The following SLC28A3 variants were observed in gnomAD, a reference collection of about 807,000 sequenced individuals.
SLC28A3 encodes concentrative Na(+)-nucleoside cotransporter 3.
A neutral mutation model predicts 84.2 loss-of-function variants in SLC28A3; 68 were observed. The ratio of observed to expected loss-of-function variants is 0.81; its 90% CI spans 0.66 to 0.99. SLC28A3 has a LOEUF of 0.99. Among genes scored for constraint, SLC28A3 ranks in the 50% least tolerant of loss-of-function variants. The pLI, the probability that SLC28A3 is intolerant of heterozygous loss-of-function variation, is 0.00. For missense variants in SLC28A3, 712 were observed against 841.5 expected (o/e 0.85, Z 1.90); for synonymous variants, 267 against 303.6 (o/e 0.88, Z 1.25).
At position 84,278,227 on chromosome 9, in the gene SLC28A3, A is replaced by G. The variant is rs775909281; in HGVS notation, c.2067T>C (p.Asn689=). 1.9e-6 allele frequency: 3 copies of G among 1,614,002 alleles called. No homozygotes were observed. The South Asian group carries it at 3.3e-5, about 18-fold the overall frequency. ...PSTFNCNGIS[N]TF ...GGAGAAGTGGCTGACCTCAAAATGT[A>G]TTAGAGATCCCATTGCAGTTAAAGG... The change falls in exon 18 of 18, where the codon AAT becomes AAC. Residue 689 remains asparagine (N), a synonymous_variant. Coordinates refer to ENST00000376238, the MANE Select transcript of SLC28A3 (RefSeq NM_001199633.2).
At chr9:84,330,126 C>A (rs1826721080) in intron 1 of SLC28A3, among the ~76,000 whole-genome samples, 4 of 150,696 alleles carry the variant, frequency 2.7e-5, no homozygotes, top group Admixed American at 2.6e-4. Context: ...AAGAGAGAAT[C>A]AATGAAACCA....
chr9:84,359,561 TTTGTGGG>T, the SLC28A3 span, among the ~76,000 whole-genome samples: 2 of 152,166 alleles, frequency 1.3e-5, no homozygotes, highest in African/African-American at 4.8e-5. Flanking sequence ...TACTATCCCA[TTTGTGGG>T]CATATTAGGG....
In SLC28A3 at chr9:84,297,201, GA is replaced by G. The variant is rs761704347; in HGVS notation, c.861+19del. The G allele has an allele frequency of 1.2e-4, 190 of 1,599,590 alleles. No individual in the cohort carries two copies. Among genetic ancestry groups the G allele is most frequent in the Non-Finnish European group, 1.6e-4 (186 of 1,173,638 alleles). On this transcript the variant is annotated intron_variant, in intron 8 of 17. Transcript: ENST00000376238. ...CCGCTGAAATAGCAGCGACTACATA[GA>G]AAAAAGGTTTGACTTTACCTTAAAT...
chr9:84,296,735 G>A (rs572066491), intron 8 of SLC28A3, among the ~76,000 whole-genome samples: 7 of 151,526 alleles, frequency 4.6e-5, no homozygotes, highest in Non-Finnish European at 8.8e-5. Flanking sequence ...GATGAGAAAC[G>A]TTTAGCACGG....
Position 84,299,742 on chromosome 9 carries a change from G to A in SLC28A3, c.525-17C>T, listed in dbSNP as rs886488822. ...CAGATCACCCTAAGAGAAGGGGAAA[G>A]GAGGCATTGGCATCATTTGTTGTGC... On this transcript the variant is annotated splice_polypyrimidine_tract_variant and intron_variant, in intron 5 of 17. Coordinates refer to ENST00000376238, the MANE Select transcript of SLC28A3 (RefSeq NM_001199633.2). 6.4e-7 allele frequency: 1 copy of A among 1,563,080 alleles called. No individual in the cohort carries two copies. Among genetic ancestry groups the A allele is most frequent in the African/African-American group, 1.4e-5 (1 of 72,082 alleles).
At chr9:84,297,335 C>A in intron 7 of SLC28A3, 37 bp from the exon 8 acceptor site, 1 of 1,536,690 alleles carries the variant, frequency 6.5e-7, no homozygotes, top group Non-Finnish European at 8.9e-7. Flanking sequence ...TCATTCCAAC[C>A]ACATGACTGG....
intron 15 of SLC28A3, among the ~76,000 whole-genome samples, chr9:84,280,325 ACCT>A (rs892694389): frequency 6.6e-6 from 1 of 151,582 alleles, no homozygotes; most frequent in East Asian, 1.9e-4. Context: ...CAGAAGAAAA[ACCT>A]CCTAAGTTTC....
At chr9:84,355,128 G>C in the SLC28A3 span, among the ~76,000 whole-genome samples, 1 of 152,120 alleles carries the variant, frequency 6.6e-6, no homozygotes, top group Non-Finnish European at 1.5e-5. Flanking sequence ...GCTGGACGTC[G>C]TATGGAGCCA....
intron 1 of SLC28A3, among the ~76,000 whole-genome samples, chr9:84,335,118 G>A (rs192343208): frequency 9.2e-5 from 14 of 152,238 alleles, no homozygotes; most frequent in South Asian, 2.1e-4. Context: ...CCAGGTGAAC[G>A]TATGCTACAA....
At chr9:84,338,332 G>T (rs1588629532) in intron 1 of SLC28A3, among the ~76,000 whole-genome samples, 1 of 152,338 alleles carries the variant, frequency 6.6e-6, no homozygotes, top group East Asian at 1.9e-4. Flanking sequence ...TTTCCTTAAA[G>T]AAGATAATGT....
intron 11 of SLC28A3, among the ~76,000 whole-genome samples, chr9:84,288,542 T>C (rs548880754): frequency 1.3e-5 from 2 of 150,648 alleles, no homozygotes; most frequent in African/African-American, 4.9e-5. Flanking sequence ...CTAAAGCATG[T>C]ATGTCATTAC....
the SLC28A3 span, among the ~76,000 whole-genome samples, chr9:84,361,691 C>A: frequency 0.01 from 1,555 of 151,822 alleles, 41 homozygotes; most frequent in African/African-American, 0.036. Context: ...ATCTGTACGC[C>A]CCTAGGGTAG....
chr9:84,340,612 C>T lies in SLC28A3; in HGVS notation c.22G>A (p.Ala8Thr), dbSNP rs760965763. The T allele has an allele frequency of 4.3e-6, 7 of 1,614,200 alleles. No homozygotes were observed. In the East Asian group the frequency reaches 1.1e-4, roughly 26 times the overall value. Residue 8 changes from alanine (A) to threonine (T), a missense_variant, in exon 1 of 18, where the codon GCC becomes ACC. Physicochemically the swap from Ala to Thr is moderately conservative, Grantham distance 58. Transcript: ENST00000376238. ...TTGCTGTAGCCCTCAGCTCTGGGGGCTGCTGTACTCCTCAGCTCCATGCTC... is the reference window on the plus strand; with the variant it reads ...TTGCTGTAGCCCTCAGCTCTGGGGGTTGCTGTACTCCTCAGCTCCATGCTC... MELRSTAAPRAEGYSNVG... is the reference protein window; with the variant it reads MELRSTATPRAEGYSNVG...
chr9:84,315,517 G>C (rs1826139991), intron 1 of SLC28A3, among the ~76,000 whole-genome samples: 1 of 152,174 alleles, frequency 6.6e-6, no homozygotes, highest in African/African-American at 2.4e-5. Flanking sequence ...CGTTTTTAAA[G>C]TTAATGAAAG....
At chr9:84,310,252 G>A (rs77185832) in intron 2 of SLC28A3, among the ~76,000 whole-genome samples, 3,727 of 152,250 alleles carry the variant, frequency 0.024, 157 homozygotes, top group African/African-American at 0.085. Flanking sequence ...TGGGCTAAAG[G>A]GGACTATTTC....
intron 17 of SLC28A3, 198 bp from the exon 18 acceptor site, chr9:84,278,542 C>T (rs1824609638): frequency 3.4e-6 from 2 of 595,230 alleles, no homozygotes; most frequent in Non-Finnish European, 5.8e-6. Flanking sequence ...AGAACTTTCC[C>T]TATTTCCTCC....
chr9:84,307,749 T>G (rs1484636089), intron 3 of SLC28A3, among the ~76,000 whole-genome samples: 1 of 152,228 alleles, frequency 6.6e-6, no homozygotes, highest in Non-Finnish European at 1.5e-5. Flanking sequence ...ATACTGTAGG[T>G]TGACTCTATC....
chr9:84,312,937 TGTAA>T (rs1826038871), intron 2 of SLC28A3, among the ~76,000 whole-genome samples: 1 of 152,208 alleles, frequency 6.6e-6, no homozygotes, highest in Non-Finnish European at 1.5e-5. Flanking sequence ...GAATTCAACA[TGTAA>T]GTGAAATTAA....
At chr9:84,290,382 T>C in intron 10 of SLC28A3, 103 bp from the exon 11 acceptor site, 1 of 1,433,026 alleles carries the variant, frequency 7.0e-7, no homozygotes, top group Non-Finnish European at 9.4e-7. Flanking sequence ...GCAGACAGTT[T>C]CTAAGAGTGA....
Sources: gnomAD v4.1 joint callset for allele counts (sites outside exome capture counted in the v4.1 genomes callset) on GRCh38, gnomAD v4.1.1 for gene constraint, MANE v1.5 for transcripts, NCBI Gene and HGNC (gene_info 2026-07-23, HGNC 2026-07-21) for gene names.